Variants in GLRA3 observed in about 807,000 individuals in gnomAD.
GLRA3 encodes glycine receptor alpha 3, also known as glycine receptor subunit alpha-3.
A neutral mutation model predicts 60.4 loss-of-function variants in GLRA3; 44 were observed. That is an observed-to-expected ratio of 0.73 (90% CI 0.57 to 0.94). The LOEUF (loss-of-function observed/expected upper bound fraction) is 0.94, where lower values mean the gene tolerates loss of function less well. GLRA3 is among the 40% of genes least tolerant of loss of function. The probability of loss-of-function intolerance (pLI) is 0.00; values close to 1 mark genes in which losing one functional copy is unlikely to be tolerated. For synonymous variants in GLRA3, 223 were observed against 192.9 expected, an observed-to-expected ratio of 1.16 and a Z score of -1.29; for missense variants, 508 against 564.6, an observed-to-expected ratio of 0.90 and a Z score of 1.02.
intron 2 of GLRA3, among the ~76,000 whole-genome samples, chr4:174,784,468 TAAA>T (rs1233041090): frequency 1.9e-4 from 22 of 115,818 alleles, no homozygotes; most frequent in Admixed American, 1.3e-3. Flanking sequence ...AAAGTATAAT[TAAA>T]AAAAAAATAC....
At chr4:174,691,866 T>C (rs1450763638) in intron 5 of GLRA3, among the ~76,000 whole-genome samples, 1 of 147,676 alleles carries the variant, frequency 6.8e-6, no homozygotes, top group Non-Finnish European at 1.5e-5. Context: ...GTCTGGGATG[T>C]GAGGAGCCCC....
chr4:174,807,671 AAC>A (rs1165103681), intron 1 of GLRA3, among the ~76,000 whole-genome samples: 1 of 152,126 alleles, frequency 6.6e-6, no homozygotes, highest in Non-Finnish European at 1.5e-5. Context: ...GAAAAAGTAA[AAC>A]ACAAAACAGT....
chr4:174,674,786 C>T (rs1734048302), intron 7 of GLRA3, among the ~76,000 whole-genome samples: 1 of 152,158 alleles, frequency 6.6e-6, no homozygotes. Context: ...GACTCTCAGA[C>T]TTCTGAGGGT....
chr4:174,767,466 C>A (rs193055347), intron 2 of GLRA3, among the ~76,000 whole-genome samples: 3 of 152,106 alleles, frequency 2.0e-5, no homozygotes, highest in East Asian at 1.9e-4. Flanking sequence ...GGAAACCAGG[C>A]CTTCCCACCT....
At chr4:174,689,662 G>A (rs1734708145) in intron 5 of GLRA3, among the ~76,000 whole-genome samples, 1 of 143,506 alleles carries the variant, frequency 7.0e-6, no homozygotes. Flanking sequence ...GCAAAGATAT[G>A]GATTATTTAT....
intron 1 of GLRA3, among the ~76,000 whole-genome samples, chr4:174,797,378 G>A (rs1008087839): frequency 1.3e-5 from 2 of 152,116 alleles, no homozygotes; most frequent in African/African-American, 4.8e-5. Flanking sequence ...GTGGTAATTA[G>A]CTTGCCTCCC....
chr4:174,692,439 T>G lies in GLRA3; in HGVS notation c.575-9500A>C, dbSNP rs1734883074. Among the ~76,000 whole-genome samples, 3 of 151,058 alleles carry G rather than the reference T, an allele frequency of 2.0e-5. No homozygotes were observed. In the South Asian group the frequency reaches 6.4e-4, roughly 32 times the overall value. ...CGGCCACCACCCCATCTGGGAGGTG[T>G]ACCCAACAGCTCACTGAGAACGGGC... On this transcript the variant is annotated intron_variant, in intron 5 of 9. Transcript: ENST00000274093.
chr4:174,664,137 C>T (rs1214521607), intron 7 of GLRA3, among the ~76,000 whole-genome samples: 1 of 152,158 alleles, frequency 6.6e-6, no homozygotes, highest in African/African-American at 2.4e-5. Context: ...TCCACCCCAT[C>T]GGCTTTGTGG....
intron 1 of GLRA3, among the ~76,000 whole-genome samples, chr4:174,819,311 A>G (rs1406755646): frequency 6.6e-6 from 1 of 152,212 alleles, no homozygotes; most frequent in Non-Finnish European, 1.5e-5. Context: ...AACTCTCTTG[A>G]AGAGTCATAC....
intron 1 of GLRA3, among the ~76,000 whole-genome samples, chr4:174,819,714 T>C (rs996410858): frequency 6.6e-6 from 1 of 152,208 alleles, no homozygotes; most frequent in Non-Finnish European, 1.5e-5. Context: ...GATTAATACA[T>C]AAATGTATGT....
chr4:174,645,111 C>T (rs974095814), intron 9 of GLRA3, among the ~76,000 whole-genome samples: 2 of 151,890 alleles, frequency 1.3e-5, no homozygotes, highest in Admixed American at 6.6e-5. Context: ...AAATAATTGG[C>T]TTGAACTCTT....
At chr4:174,717,029 T>C (rs1240693761) in intron 4 of GLRA3, among the ~76,000 whole-genome samples, 1 of 151,196 alleles carries the variant, frequency 6.6e-6, no homozygotes, top group Non-Finnish European at 1.5e-5. Context: ...AAAAATACTC[T>C]ATCTCTACAA....
Position 174,806,117 on chromosome 4 carries a change from T to C in GLRA3, c.72-17174A>G, listed in dbSNP as rs185766092. Among the ~76,000 whole-genome samples, 15 of 152,314 alleles carry C rather than the reference T, an allele frequency of 9.8e-5. No individual in the cohort carries two copies. In the East Asian group the frequency reaches 2.7e-3, roughly 27 times the overall value. ...TCTTGTTCCTTGTAAACATTTTTGA[T>C]AAATCACTTTTTTAAATCTGGGATG... is the stretch of plus-strand genomic sequence containing the variant. On this transcript the variant is annotated intron_variant, in intron 1 of 9. Coordinates refer to ENST00000274093, the MANE Select transcript of GLRA3 (RefSeq NM_006529.4).
At chr4:174,801,227 G>A (rs1340664360) in intron 1 of GLRA3, among the ~76,000 whole-genome samples, 1 of 152,004 alleles carries the variant, frequency 6.6e-6, no homozygotes, top group Non-Finnish European at 1.5e-5. Context: ...AAATGCTCTT[G>A]TCAAGGTCCT....
At chr4:174,771,435 A>T (rs191112331) in intron 2 of GLRA3, among the ~76,000 whole-genome samples, 63 of 149,806 alleles carry the variant, frequency 4.2e-4, no homozygotes, top group African/African-American at 1.5e-3. Context: ...ATAATACTAG[A>T]CTCCTACTAT....
intron 2 of GLRA3, among the ~76,000 whole-genome samples, chr4:174,784,944 A>T (rs1247464648): frequency 6.6e-6 from 1 of 152,164 alleles, no homozygotes; most frequent in Non-Finnish European, 1.5e-5. Context: ...AGAACAGATT[A>T]ATCAGTGAAA....
chr4:174,703,093 T>C (rs1468073608), intron 5 of GLRA3, among the ~76,000 whole-genome samples: 1 of 152,210 alleles, frequency 6.6e-6, no homozygotes, highest in African/African-American at 2.4e-5. Flanking sequence ...TGCCAGGAAC[T>C]GGGGACTATA....
chr4:174,693,074 T>C (rs1406631168), intron 5 of GLRA3, among the ~76,000 whole-genome samples: 1 of 152,190 alleles, frequency 6.6e-6, no homozygotes, highest in African/African-American at 2.4e-5. Context: ...GTCAGATGCA[T>C]AGTTTTCAAA....
chr4:174,768,344 T>C (rs114219272), intron 2 of GLRA3, among the ~76,000 whole-genome samples: 5,569 of 152,300 alleles, frequency 0.037, 149 homozygotes, highest in Non-Finnish European at 0.054. Context: ...TTAAAAGTTC[T>C]AACGGTTAAT....
Sources: allele counts gnomAD v4.1 joint callset (sites outside exome capture counted in the v4.1 genomes callset), GRCh38; gene constraint gnomAD v4.1.1; transcripts MANE v1.5; gene names NCBI Gene and HGNC (gene_info 2026-07-23, HGNC 2026-07-21).